Variants in C4orf36 observed in about 807,000 individuals in gnomAD.
The protein encoded by C4orf36 is uncharacterized protein C4orf36.
A neutral mutation model predicts 12.2 loss-of-function variants in C4orf36; 11 were observed. The observed-to-expected ratio is 0.90, with a 90% CI of 0.57 to 1.49. C4orf36 has a LOEUF of 1.49. Among genes scored for constraint, C4orf36 ranks in the 40% most tolerant of loss-of-function variants. C4orf36 has a pLI of 0.00. For synonymous variants in C4orf36, 54 were observed against 51.3 expected, an observed-to-expected ratio of 1.05 and a Z score of -0.22; for missense variants, 137 against 133.9, an observed-to-expected ratio of 1.02 and a Z score of -0.11.
At chr4:86,904,310 C>G in the C4orf36 span, among the ~76,000 whole-genome samples, 2 of 152,252 alleles carry the variant, frequency 1.3e-5, no homozygotes, top group Non-Finnish European at 2.9e-5. Flanking sequence ...TCCCCGCGAG[C>G]ACAGGGAGCC....
At chr4:86,929,015 T>C in the C4orf36 span, among the ~76,000 whole-genome samples, 1 of 152,256 alleles carries the variant, frequency 6.6e-6, no homozygotes, top group African/African-American at 2.4e-5. Context: ...GATGTCCCTG[T>C]CTGTGCTCTG....
intron 4 of C4orf36, chr4:86,887,079 C>T (rs1290895892): frequency 1.4e-5 from 2 of 147,636 alleles, no homozygotes; most frequent in African/African-American, 5.0e-5. Context: ...CACTTGGACA[C>T]AGGAAGGGGA....
chr4:86,904,108 C>G, the C4orf36 span, among the ~76,000 whole-genome samples: 1 of 152,270 alleles, frequency 6.6e-6, no homozygotes, highest in South Asian at 2.1e-4. Context: ...CGCTGGCACT[C>G]GCCGGGACTT....
chr4:86,916,605 G>A, the C4orf36 span, among the ~76,000 whole-genome samples: 1 of 152,126 alleles, frequency 6.6e-6, no homozygotes, highest in East Asian at 1.9e-4. Flanking sequence ...CAGCTGTCTG[G>A]TAGCAGGCTG....
At chr4:86,934,583 C>T in the C4orf36 span, 4 of 152,176 alleles carry the variant, frequency 2.6e-5, no homozygotes, top group African/African-American at 7.2e-5. Context: ...TGTGAAAGGC[C>T]TTTTCTAAAT....
the C4orf36 span, chr4:86,925,069 C>G: frequency 6.6e-6 from 1 of 152,318 alleles, no homozygotes; most frequent in Non-Finnish European, 1.5e-5. Context: ...CACTCACTGT[C>G]ATGAGGACAA....
At chr4:86,927,944 A>T in the C4orf36 span, among the ~76,000 whole-genome samples, 1 of 152,192 alleles carries the variant, frequency 6.6e-6, no homozygotes, top group African/African-American at 2.4e-5. Context: ...GTAATGGTGA[A>T]GTTCTAAAGA....
At chr4:86,893,725 A>C, upstream of C4orf36, among the ~76,000 whole-genome samples, 1 of 151,968 alleles carries the variant, frequency 6.6e-6, no homozygotes, top group East Asian at 1.9e-4. Flanking sequence ...GAGGACTGTC[A>C]CTCGCTCTTC....
the C4orf36 span, chr4:86,913,780 A>T: frequency 2.3e-6 from 3 of 1,321,662 alleles, no homozygotes; most frequent in Non-Finnish European, 3.3e-6. Flanking sequence ...AGCTGCCCAA[A>T]GGGCATCTTG....
intron 4 of C4orf36, among the ~76,000 whole-genome samples, chr4:86,886,285 G>C (rs1311901329): frequency 2.0e-5 from 3 of 152,092 alleles, no homozygotes; most frequent in Non-Finnish European, 4.4e-5. Context: ...TTAAACTAAA[G>C]AGCTTCTGCA....
At chr4:86,914,788 G>A in the C4orf36 span, 2 of 454,948 alleles carry the variant, frequency 4.4e-6, no homozygotes, top group South Asian at 1.7e-5. Context: ...ATAGGTGATT[G>A]GCTCTAATAA....
chr4:86,913,008 T>A, the C4orf36 span, among the ~76,000 whole-genome samples: 188 of 151,914 alleles, frequency 1.2e-3, 1 homozygote, highest in South Asian at 0.021. Flanking sequence ...AGTGTCACAA[T>A]TTTCCATAAT....
the C4orf36 span, among the ~76,000 whole-genome samples, chr4:86,921,850 C>A: frequency 2.6e-5 from 4 of 152,282 alleles, no homozygotes; most frequent in Non-Finnish European, 4.4e-5. Context: ...CCTTCCTGCC[C>A]TCCAGGCCCT....
intron 2 of C4orf36, among the ~76,000 whole-genome samples, chr4:86,888,559 A>G (rs1423623386): frequency 1.3e-5 from 2 of 152,222 alleles, no homozygotes; most frequent in Non-Finnish European, 2.9e-5. Flanking sequence ...GAGGATGTAG[A>G]TAAGAACTGT....
At chr4:86,903,339 CT>C in the C4orf36 span, among the ~76,000 whole-genome samples, 1 of 152,186 alleles carries the variant, frequency 6.6e-6, no homozygotes, top group Non-Finnish European at 1.5e-5. Context: ...ATGAAACCCC[CT>C]ATCTACTAAA....
intron 2 of C4orf36, chr4:86,890,204 AGGG>A (rs1560473839): frequency 1.0e-5 from 2 of 199,588 alleles, no homozygotes; most frequent in East Asian, 1.6e-4. Flanking sequence ...GGAGGGAGGG[AGGG>A]AGGAAGGAAG....
At chr4:86,876,798 G>T in intron 4 of C4orf36, 1 of 1,297,684 alleles carries the variant, frequency 7.7e-7, no homozygotes, top group Non-Finnish European at 1.0e-6. Context: ...AAAAAAAAGA[G>T]ATTTTCTCAT....
Position 86,876,874 on chromosome 4 carries a change from T to A in C4orf36, c.*3-431A>T, listed in dbSNP as rs559289118. 8.7e-4 allele frequency among the ~76,000 whole-genome samples: 132 copies of A among 152,336 alleles called. 1 individual carries two copies. The highest frequency in any genetic ancestry group is 1.1e-3 in the Non-Finnish European group (78 of 68,020). On this transcript the variant is annotated intron_variant, in intron 4 of 4. Coordinates refer to ENST00000295898, the MANE Select transcript of C4orf36 (RefSeq NM_144645.4). ...AGATCTACTAAAACCTAGAGTTTTC[T>A]CTCTATTACTATCTTATCTAAATCT...
chr4:86,904,685 G>T, the C4orf36 span, among the ~76,000 whole-genome samples: 2,527 of 151,782 alleles, frequency 0.017, 89 homozygotes, highest in African/African-American at 0.058. Context: ...ATTGAGCCCC[G>T]GAGTTCAAGG....
Sources: allele counts gnomAD v4.1 joint callset (sites outside exome capture counted in the v4.1 genomes callset), GRCh38; gene constraint gnomAD v4.1.1; transcripts MANE v1.5; gene names NCBI Gene and HGNC (gene_info 2026-07-23, HGNC 2026-07-21).